TRIML2: variants seen among roughly 807,000 people sequenced by gnomAD.
The protein encoded by TRIML2 is tripartite motif family like 2, also known as probable E3 ubiquitin-protein ligase TRIML2.
In TRIML2, 28 loss-of-function variants were observed where a neutral mutation model predicts 31.2. The observed-to-expected ratio is 0.90, with a 90% CI of 0.66 to 1.23. TRIML2 has a LOEUF of 1.23. TRIML2 is among the 50% of genes most tolerant of loss of function. The probability of loss-of-function intolerance (pLI) is 0.00; values close to 1 mark genes in which losing one functional copy is unlikely to be tolerated. For synonymous variants in TRIML2, 187 were observed against 197.5 expected, an observed-to-expected ratio of 0.95 and a Z score of 0.45; for missense variants, 536 against 528.3, an observed-to-expected ratio of 1.01 and a Z score of -0.14.
At chr4:188,092,946 T>G (rs1733332795) in intron 7 of TRIML2, 1 of 453,332 alleles carries the variant, frequency 2.2e-6, no homozygotes, top group African/African-American at 2.0e-5. Context: ...TATATTCTCC[T>G]TCACTGCCCC....
chr4:188,106,680 C>G (rs933595230), intron 1 of TRIML2: 1 of 161,032 alleles, frequency 6.2e-6, no homozygotes, highest in Admixed American at 6.4e-5. Context: ...ATCTATCGTG[C>G]TCCTGGCAGG....
intron 1 of TRIML2, 116 bp from the exon 2 acceptor site, chr4:188,105,706 C>T (rs67650322): frequency 0.32 from 66,595 of 211,016 alleles, 12,373 homozygotes; most frequent in African/African-American, 0.56. Context: ...CACTCACTTA[C>T]GAGTCATTCA....
chr4:188,101,080 C>T lies in TRIML2; in HGVS notation c.456G>A (p.Glu152=), dbSNP rs145698401. Residue 152 remains glutamate (E), a synonymous_variant, in exon 4 of 8, where the codon GAG becomes GAA. Coordinates refer to ENST00000682553, the MANE Select transcript of TRIML2 (RefSeq NM_173553.4). ...NQAIKLATEL[E]EMFQEMLQRL... ...CCTGTAGCATTTCCTGGAACATCTCCTCTAGCTCGGTGGCAAGCTTGATCG... is the reference window on the plus strand; with the variant it reads ...CCTGTAGCATTTCCTGGAACATCTCTTCTAGCTCGGTGGCAAGCTTGATCG... 35 of 1,613,304 alleles carry T rather than the reference C, an allele frequency of 2.2e-5. No homozygotes were observed. In the African/African-American group the frequency reaches 3.7e-4, roughly 17 times the overall value.
chr4:188,094,093 AAAAC>A (rs1248835196), intron 7 of TRIML2, among the ~76,000 whole-genome samples: 1 of 132,718 alleles, frequency 7.5e-6, no homozygotes, highest in African/African-American at 3.0e-5. Flanking sequence ...AGCATCTCAA[AAAAC>A]AAAAACAAAA....
intron 3 of TRIML2, among the ~76,000 whole-genome samples, chr4:188,101,880 C>T (rs1733806474): frequency 6.6e-6 from 1 of 151,842 alleles, no homozygotes; most frequent in South Asian, 2.1e-4. Flanking sequence ...CCTGTAATCC[C>T]AGCACTTTGG....
Position 188,105,539 on chromosome 4 carries a change from C to A in TRIML2, c.-171G>T. 2.1e-6 allele frequency: 1 copy of A among 483,328 alleles called. No homozygotes were observed. Among genetic ancestry groups the A allele is most frequent in the Non-Finnish European group, 3.6e-6 (1 of 275,182 alleles). 29.9% of individuals were successfully genotyped at this position (483,328 alleles called of 1,614,324 possible). A position where few individuals can be genotyped will look rare whatever the true frequency, so the allele number is the denominator to read the frequency against. The stretch of plus-strand genomic sequence containing the variant: ...AGGAAATAAGTCCACGCAGACAGAG[C>A]GGGTCGGCGCTCTGGACTCCTCAAA... On this transcript the variant is annotated 5_prime_UTR_variant, in exon 2 of 8. Transcript: ENST00000682553.
At chr4:188,100,933 G>C in intron 4 of TRIML2, 123 bp downstream of exon 4, 1 of 805,438 alleles carries the variant, frequency 1.2e-6, no homozygotes, top group South Asian at 2.2e-5. Flanking sequence ...TTGCCAGGTA[G>C]GTATATAATT....
At chr4:188,098,912 C>T (rs1733645864) in intron 5 of TRIML2, 123 bp downstream of exon 5, 1 of 1,142,964 alleles carries the variant, frequency 8.7e-7, no homozygotes. Context: ...AGTCATGTAG[C>T]CTTCTTTTGT....
chr4:188,093,533 C>T (rs1399659940), intron 7 of TRIML2, among the ~76,000 whole-genome samples: 2 of 151,884 alleles, frequency 1.3e-5, no homozygotes, highest in Non-Finnish European at 1.5e-5. Context: ...GGCCTGGTGG[C>T]GGCCTGTAAT....
intron 1 of TRIML2, among the ~76,000 whole-genome samples, chr4:188,107,451 A>G (rs1339505645): frequency 6.6e-6 from 1 of 152,232 alleles, no homozygotes; most frequent in African/African-American, 2.4e-5. Context: ...TGATTCCAAA[A>G]AGTTGAGAAT....
At chr4:188,103,009 T>G (rs765015749) in intron 3 of TRIML2, among the ~76,000 whole-genome samples, 14,047 of 126,320 alleles carry the variant, frequency 0.11, 895 homozygotes, top group South Asian at 0.26. Flanking sequence ...CTCTTGGTTT[T>G]TTTTTTTTTT....
At chr4:188,103,005 GTTTTTTTTTTTT>G (rs145048322) in intron 3 of TRIML2, among the ~76,000 whole-genome samples, 40 of 97,878 alleles carry the variant, frequency 4.1e-4, no homozygotes, top group African/African-American at 1.5e-3. Context: ...TACTCTCTTG[GTTTTTTTTTTTT>G]TTTTTTTTTT....
chr4:188,098,171 T>C (rs973271039), intron 5 of TRIML2: 4 of 377,212 alleles, frequency 1.1e-5, no homozygotes, highest in Non-Finnish European at 1.6e-5. Flanking sequence ...GCAACGTATG[T>C]TACTATACAA....
rs1733244053 is a variant in TRIML2 at position 188,091,395 on chromosome 4, CAAG to C, written c.1289_1291del (p.Ser430del). ...AGATTAAGGGCTAACAGTAGCATCA[CAAG>C]AAGGACCATGTTGTAAGATGGTGAG... On this transcript the variant is annotated inframe_deletion, in exon 8 of 8. Coordinates refer to ENST00000682553, the MANE Select transcript of TRIML2 (RefSeq NM_173553.4). 6.2e-7 allele frequency: 1 copy of C among 1,613,842 alleles called. No homozygotes were observed. Among genetic ancestry groups the C allele is most frequent in the Middle Eastern group, 1.7e-4 (1 of 6,058 alleles).
chr4:188,097,902 A>G (rs1407741678), intron 5 of TRIML2, among the ~76,000 whole-genome samples: 1 of 152,126 alleles, frequency 6.6e-6, no homozygotes, highest in Non-Finnish European at 1.5e-5. Context: ...TGGGCGTATA[A>G]CCTGAGGTCG....
At chr4:188,105,158 G>A (rs768016477) in intron 2 of TRIML2, 22 bp downstream of exon 2, 42 of 1,590,142 alleles carry the variant, frequency 2.6e-5, no homozygotes, top group Non-Finnish European at 3.4e-5. Flanking sequence ...AGTGTTTTGG[G>A]ATTTGCGTGA....
At chr4:188,101,004 CTCT>C in intron 4 of TRIML2, 49 bp downstream of exon 4, 1 of 1,501,114 alleles carries the variant, frequency 6.7e-7, no homozygotes, top group Non-Finnish European at 9.0e-7. Context: ...TAATGTTTAG[CTCT>C]TCTTTTTCTC....
intron 1 of TRIML2, among the ~76,000 whole-genome samples, chr4:188,107,386 G>A (rs540444559): frequency 6.6e-6 from 1 of 152,202 alleles, no homozygotes; most frequent in South Asian, 2.1e-4. Context: ...AGATATTAAC[G>A]CTCATAAACA....
intron 7 of TRIML2, among the ~76,000 whole-genome samples, chr4:188,094,099 AAAACAAAAAC>A (rs1733392161): frequency 2.1e-5 from 3 of 140,218 alleles, no homozygotes; most frequent in African/African-American, 8.3e-5. Context: ...TCAAAAAACA[AAAACAAAAAC>A]AAAAACAAAA....
Sources: gnomAD v4.1 joint callset for allele counts (sites outside exome capture counted in the v4.1 genomes callset) on GRCh38, gnomAD v4.1.1 for gene constraint, MANE v1.5 for transcripts, NCBI Gene and HGNC (gene_info 2026-07-23, HGNC 2026-07-21) for gene names.